Variants in SERP2 observed in about 807,000 individuals in gnomAD.
SERP2 encodes stress associated endoplasmic reticulum protein family member 2.
Under a neutral mutation model 9.1 loss-of-function variants are expected in SERP2, and 6 were observed. That is an observed-to-expected ratio of 0.66 (90% CI 0.36 to 1.30). The LOEUF (loss-of-function observed/expected upper bound fraction) is 1.30, where lower values mean the gene tolerates loss of function less well. SERP2 is among the 50% of genes most tolerant of loss of function. The probability of loss-of-function intolerance (pLI) is 0.03; values close to 1 mark genes in which losing one functional copy is unlikely to be tolerated. For missense variants in SERP2, 58 were observed against 81.9 expected, an observed-to-expected ratio of 0.71 and a Z score of 1.13; for synonymous variants, 37 against 27.3, an observed-to-expected ratio of 1.35 and a Z score of -1.10.
intron 1 of SERP2, among the ~76,000 whole-genome samples, chr13:44,378,428 A>G (rs1871783613): frequency 6.6e-6 from 1 of 152,184 alleles, no homozygotes; most frequent in Non-Finnish European, 1.5e-5. Context: ...ATTTGTATGG[A>G]TATGAACATA....
chr13:44,385,379 C>G (rs1241852226), intron 2 of SERP2, among the ~76,000 whole-genome samples: 1 of 152,208 alleles, frequency 6.6e-6, no homozygotes, highest in Admixed American at 6.5e-5. Flanking sequence ...GAATGCCACC[C>G]CTCACTGCAA....
At position 44,386,323 on chromosome 13, in the gene SERP2, C is replaced by T. The variant is rs1490066023; in HGVS notation, c.157+6610C>T. On this transcript the variant is annotated intron_variant, in intron 2 of 2. Coordinates refer to ENST00000379179, the MANE Select transcript of SERP2 (RefSeq NM_001010897.3). ...GGGAATAGTATATTCTTCTGAGACA[C>T]GGTATTATCCAATTAGAACATCTCA... 3.9e-5 allele frequency among the ~76,000 whole-genome samples: 6 copies of T among 152,192 alleles called. No homozygotes were observed. In the East Asian group the frequency reaches 5.8e-4, roughly 15 times the overall value.
intron 2 of SERP2, among the ~76,000 whole-genome samples, chr13:44,393,988 G>T (rs1329307508): frequency 6.6e-6 from 1 of 152,166 alleles, no homozygotes; most frequent in Non-Finnish European, 1.5e-5. Flanking sequence ...AGGATCGCTG[G>T]ACTCTTATAT....
chr13:44,397,353 C>G lies in SERP2; in HGVS notation c.*41C>G, dbSNP rs2138804100. 1 of 1,505,610 alleles carries G rather than the reference C, an allele frequency of 6.6e-7. No individual in the cohort carries two copies. Among genetic ancestry groups the G allele is most frequent in the South Asian group, 1.1e-5 (1 of 88,950 alleles). 93.3% of individuals were successfully genotyped at this position (1,505,610 alleles called of 1,614,324 possible). A position where few individuals can be genotyped will look rare whatever the true frequency, so the allele number is the denominator to read the frequency against. ...GACACCACCTCCCTCCCACTGGAGG[C>G]GGGAGGACAACGGAAGCGGTCAGCC... On this transcript the variant is annotated 3_prime_UTR_variant, in exon 3 of 3. Transcript: ENST00000379179.
At chr13:44,382,565 T>C (rs1872054857) in intron 2 of SERP2, among the ~76,000 whole-genome samples, 1 of 151,976 alleles carries the variant, frequency 6.6e-6, no homozygotes, top group East Asian at 1.9e-4. Flanking sequence ...GTATGACCAG[T>C]CTGTAGATTG....
chr13:44,374,132 C>T (rs1871479265), intron 1 of SERP2, 23 bp downstream of exon 1: 1 of 1,495,600 alleles, frequency 6.7e-7, no homozygotes, highest in Non-Finnish European at 9.0e-7. Flanking sequence ...CGGCGCCGGC[C>T]AGGCAGAGCC....
intron 1 of SERP2, among the ~76,000 whole-genome samples, chr13:44,376,545 C>A (rs1409207465): frequency 2.6e-5 from 4 of 152,044 alleles, no homozygotes; most frequent in African/African-American, 7.2e-5. Flanking sequence ...GAGGCCAAGG[C>A]GGATGGATCA....
At chr13:44,392,437 C>T (rs1872838412) in intron 2 of SERP2, among the ~76,000 whole-genome samples, 1 of 151,926 alleles carries the variant, frequency 6.6e-6, no homozygotes, top group Non-Finnish European at 1.5e-5. Flanking sequence ...ATAATTCTAG[C>T]TACAGTATGG....
chr13:44,389,049 AAAGGTTGAGG>A (rs1566093565), intron 2 of SERP2, among the ~76,000 whole-genome samples: 1 of 152,376 alleles, frequency 6.6e-6, no homozygotes, highest in East Asian at 1.9e-4. Context: ...CTTTGAGCCC[AAAGGTTGAGG>A]AGCCAGAATG....
chr13:44,373,752 C>T, upstream of SERP2: 1 of 403,358 alleles, frequency 2.5e-6, no homozygotes, highest in Non-Finnish European at 4.4e-6. This position sits in a 1 kb window ranked among gnomAD's most constrained non-coding sequence, Gnocchi z 4.8. Flanking sequence ...TCGGTGGCCG[C>T]GCGGGGTAGG....
At chr13:44,396,322 T>C (rs1430803859) in intron 2 of SERP2, among the ~76,000 whole-genome samples, 1 of 151,748 alleles carries the variant, frequency 6.6e-6, no homozygotes, top group Admixed American at 6.6e-5. Flanking sequence ...CCGTGGATCC[T>C]GGATGTATTC....
At chr13:44,388,640 C>T (rs1355748788) in intron 2 of SERP2, among the ~76,000 whole-genome samples, 1 of 152,220 alleles carries the variant, frequency 6.6e-6, no homozygotes, top group Non-Finnish European at 1.5e-5. Context: ...GCGGCACTTT[C>T]CCCCTGTATT....
At chr13:44,394,664 C>T (rs1465449696) in intron 2 of SERP2, among the ~76,000 whole-genome samples, 1 of 152,208 alleles carries the variant, frequency 6.6e-6, no homozygotes, top group Non-Finnish European at 1.5e-5. Flanking sequence ...TTATTCCTTG[C>T]CATCCTTTGA....
At chr13:44,384,882 T>TC (rs1360717956) in intron 2 of SERP2, among the ~76,000 whole-genome samples, 1 of 152,260 alleles carries the variant, frequency 6.6e-6, no homozygotes, top group African/African-American at 2.4e-5. Flanking sequence ...TCACTTGCTT[T>TC]CATTACCTTA....
intron 1 of SERP2, among the ~76,000 whole-genome samples, chr13:44,375,229 C>G (rs1871582312): frequency 6.6e-6 from 1 of 151,974 alleles, no homozygotes; most frequent in African/African-American, 2.4e-5. Context: ...GTTTGATTAA[C>G]TAAGCAAAAA....
intron 2 of SERP2, among the ~76,000 whole-genome samples, chr13:44,386,740 C>G (rs1359333714): frequency 6.6e-6 from 1 of 152,178 alleles, no homozygotes; most frequent in Non-Finnish European, 1.5e-5. Flanking sequence ...TAATCAATAC[C>G]TGTTATGGGT....
chr13:44,392,375 G>C (rs1872834043), intron 2 of SERP2, among the ~76,000 whole-genome samples: 1 of 151,882 alleles, frequency 6.6e-6, no homozygotes, highest in Non-Finnish European at 1.5e-5. Context: ...GGAAGCTTTT[G>C]ATGTGCAGTA....
intron 1 of SERP2, among the ~76,000 whole-genome samples, chr13:44,375,159 T>C (rs1871577522): frequency 6.6e-6 from 1 of 152,156 alleles, no homozygotes; most frequent in Admixed American, 6.5e-5. Flanking sequence ...GCCTGGAGTT[T>C]GGCTGGGAAA....
intron 2 of SERP2, among the ~76,000 whole-genome samples, chr13:44,388,275 TTTTTGTG>T (rs2138791206): frequency 1.4e-4 from 1 of 7,396 alleles, no homozygotes; most frequent in East Asian, 1.5e-3. Context: ...TATGTGGGTT[TTTTTGTG>T]TGTGTGTTTG....
Sources: gnomAD v4.1 joint callset for allele counts (sites outside exome capture counted in the v4.1 genomes callset) on GRCh38, gnomAD v4.1.1 for gene constraint, Gnocchi (gnomAD v3.1) non-coding constraint, MANE v1.5 for transcripts, NCBI Gene and HGNC (gene_info 2026-07-23, HGNC 2026-07-21) for gene names.